SERPINE3: variants seen among roughly 807,000 people sequenced by gnomAD.
SERPINE3 encodes the protein serpin family E member 3.
In SERPINE3, 43 loss-of-function variants were observed where a neutral mutation model predicts 41.7. That is an observed-to-expected ratio of 1.03 (90% CI 0.81 to 1.33). SERPINE3 has a LOEUF of 1.33. SERPINE3 is among the 40% of genes most tolerant of loss of function. The pLI, the probability that SERPINE3 is intolerant of heterozygous loss-of-function variation, is 0.00. For missense variants in SERPINE3, 440 were observed against 491.7 expected, an observed-to-expected ratio of 0.89 and a Z score of 0.99; for synonymous variants, 200 against 192.2, an observed-to-expected ratio of 1.04 and a Z score of -0.34.
chr13:51,342,435 G>A (rs950846755), intron 3 of SERPINE3, among the ~76,000 whole-genome samples: 6 of 152,326 alleles, frequency 3.9e-5, no homozygotes, highest in African/African-American at 1.2e-4. Context: ...AAAGCATTCA[G>A]TGTGATCAGG....
At chr13:51,361,089 A>G (rs1223207882) in intron 7 of SERPINE3, among the ~76,000 whole-genome samples, 189 bp from the exon 8 acceptor site, 1 of 152,100 alleles carries the variant, frequency 6.6e-6, no homozygotes, top group African/African-American at 2.4e-5. Flanking sequence ...TTGAGTCTTA[A>G]GAATTTTCCA....
intron 4 of SERPINE3, among the ~76,000 whole-genome samples, chr13:51,345,062 T>C (rs1293079970): frequency 6.6e-6 from 1 of 152,216 alleles, no homozygotes; most frequent in African/African-American, 2.4e-5. Flanking sequence ...TTATGAAAGA[T>C]AATTAAAATC....
At position 51,364,523 on chromosome 13, in the gene SERPINE3, CACAGCAGT is replaced by C; in HGVS notation, c.*242_*249del. 1 of 393,802 alleles carries C rather than the reference CACAGCAGT, an allele frequency of 2.5e-6. No individual in the cohort carries two copies. The highest frequency in any genetic ancestry group is 4.5e-6 in the Non-Finnish European group (1 of 221,240). The allele number at this position is 393,802 out of a possible 1,614,324, so 24.4% of individuals were successfully genotyped here. ...GCTTACCCCCCAAACCACTAAAAGG[CACAGCAGT>C]GATCATGAATGGTGAGTGAGTCAGG... On this transcript the variant is annotated 3_prime_UTR_variant, in exon 10 of 10. Transcript: ENST00000681248.
intron 3 of SERPINE3, among the ~76,000 whole-genome samples, chr13:51,342,066 A>T (rs2137762396): frequency 6.6e-6 from 1 of 152,116 alleles, no homozygotes; most frequent in Non-Finnish European, 1.5e-5. Context: ...TCAGTGCCTC[A>T]GCTCAATGCC....
At chr13:51,352,471 GTTTTTT>G (rs796835423) in intron 6 of SERPINE3, among the ~76,000 whole-genome samples, 1 of 150,222 alleles carries the variant, frequency 6.7e-6, no homozygotes, top group African/African-American at 2.4e-5. Flanking sequence ...GCTCTGATAG[GTTTTTT>G]TTTGTGTGTG....
intron 7 of SERPINE3, among the ~76,000 whole-genome samples, chr13:51,356,887 A>G (rs1331942816): frequency 6.6e-6 from 1 of 152,020 alleles, no homozygotes; most frequent in African/African-American, 2.4e-5. Flanking sequence ...AGCAATTATC[A>G]TGTGCCAAGT....
intron 6 of SERPINE3, 86 bp downstream of exon 6, chr13:51,348,497 G>T (rs1955373740): frequency 3.5e-6 from 4 of 1,144,482 alleles, no homozygotes; most frequent in Non-Finnish European, 1.3e-6. Flanking sequence ...TGCCTCCAGG[G>T]TCTGTGCTTA....
chr13:51,345,977 T>C (rs1323230145), intron 4 of SERPINE3, among the ~76,000 whole-genome samples: 7 of 152,170 alleles, frequency 4.6e-5, no homozygotes, highest in Admixed American at 2.0e-4. Context: ...CCACATTGCA[T>C]TGGGTAACTG....
At chr13:51,362,246 C>A (rs1215348533) in intron 9 of SERPINE3, 1 of 418,212 alleles carries the variant, frequency 2.4e-6, no homozygotes, top group Non-Finnish European at 4.0e-6. Flanking sequence ...CCCTAGCTTT[C>A]TTATCATTTT....
chr13:51,364,144 G>T, intron 9 of SERPINE3, 95 bp from the exon 10 acceptor site: 1 of 539,010 alleles, frequency 1.9e-6, no homozygotes, highest in Non-Finnish European at 3.1e-6. Context: ...ATGTTATCTT[G>T]CATTACTTAA....
intron 6 of SERPINE3, 88 bp downstream of exon 6, chr13:51,348,499 C>A: frequency 2.8e-6 from 3 of 1,065,312 alleles, no homozygotes; most frequent in South Asian, 1.5e-5. Flanking sequence ...CCTCCAGGGT[C>A]TGTGCTTAGC....
chr13:51,361,508 G>A (rs552400541), intron 8 of SERPINE3, 144 bp downstream of exon 8: 1 of 633,620 alleles, frequency 1.6e-6, no homozygotes, highest in Non-Finnish European at 2.7e-6. Context: ...GAACACTAAA[G>A]AAAACAAAAA....
At chr13:51,360,578 C>T (rs1340454546) in intron 7 of SERPINE3, among the ~76,000 whole-genome samples, 8 of 152,166 alleles carry the variant, frequency 5.3e-5, no homozygotes, top group South Asian at 2.1e-4. Flanking sequence ...ATCACTTAGT[C>T]CTATTTGCTA....
chr13:51,344,324 A>G lies in SERPINE3; in HGVS notation c.329A>G (p.Glu110Gly), dbSNP rs1955324026. The G allele has an allele frequency of 6.2e-7, 1 of 1,613,682 alleles. No individual in the cohort carries two copies. Among genetic ancestry groups the G allele is most frequent in the Non-Finnish European group, 8.5e-7 (1 of 1,179,810 alleles). Residue 110 changes from glutamate to glycine, a missense_variant, in exon 4 of 10, where the codon GAG (glutamate) becomes GGG (glycine). Transcript: ENST00000681248. ...ACCTCCAGCCAAGGCACCGAGATGG[A>G]GCTGGCCTGCAGCCTTTTTGTGCAA... The part of the protein sequence containing the change: ...LPTSSQGTEM[E>G]LACSLFVQVG...
chr13:51,341,470 C>T (rs1955291098), intron 3 of SERPINE3, 123 bp downstream of exon 3: 4 of 965,118 alleles, frequency 4.1e-6, no homozygotes, highest in South Asian at 1.6e-5. Flanking sequence ...CTCATACTCA[C>T]ACTCACTCTC....
At chr13:51,350,963 A>G (rs976721149) in intron 6 of SERPINE3, among the ~76,000 whole-genome samples, 4 of 152,220 alleles carry the variant, frequency 2.6e-5, no homozygotes, top group African/African-American at 9.6e-5. Context: ...TCATAGTAGC[A>G]TGAATCAATA....
chr13:51,344,012 T>C (rs75995482), intron 3 of SERPINE3, among the ~76,000 whole-genome samples: 2,418 of 152,344 alleles, frequency 0.016, 28 homozygotes, highest in Non-Finnish European at 0.026. Context: ...TTTGACTTCA[T>C]TGCAGCTTGA....
At chr13:51,352,450 C>G (rs1272248124) in intron 6 of SERPINE3, among the ~76,000 whole-genome samples, 1 of 151,584 alleles carries the variant, frequency 6.6e-6, no homozygotes, top group African/African-American at 2.4e-5. Flanking sequence ...CCTTACTGAA[C>G]TCATTTATTA....
chr13:51,350,759 A>G (rs1955396077), intron 6 of SERPINE3, among the ~76,000 whole-genome samples: 1 of 152,142 alleles, frequency 6.6e-6, no homozygotes, highest in African/African-American at 2.4e-5. Context: ...CATCACCTCA[A>G]AAAGAAACCC....
Sources: gnomAD v4.1 joint callset for allele counts (sites outside exome capture counted in the v4.1 genomes callset) on GRCh38, gnomAD v4.1.1 for gene constraint, MANE v1.5 for transcripts, NCBI Gene and HGNC (gene_info 2026-07-23, HGNC 2026-07-21) for gene names.